DIAPH2: variants seen among roughly 807,000 people sequenced by gnomAD.
DIAPH2 encodes diaphanous related formin 2, also known as protein diaphanous homolog 2.
DIAPH2 carries 35 observed loss-of-function variants against 92.7 expected under a neutral mutation model. That is an observed-to-expected ratio of 0.38 (90% CI 0.29 to 0.50). The LOEUF is 0.50. Ranked by LOEUF, DIAPH2 falls within the 20% of genes least tolerant of loss-of-function variation. The pLI is 0.94. For synonymous variants in DIAPH2, 301 were observed against 280.4 expected (o/e 1.07, Z -0.73); for missense variants, 701 against 819.5 (o/e 0.86, Z 1.77).
At chrX:96,744,198 A>G (rs1232784729) in intron 3 of DIAPH2, among the ~76,000 whole-genome samples, 1 of 112,229 alleles carries the variant, frequency 8.9e-6, no homozygotes, top group Non-Finnish European at 1.9e-5. Flanking sequence ...TATTTTATGA[A>G]TAACTATAGT....
At chrX:97,042,579 T>G (rs1412496536) in intron 17 of DIAPH2, among the ~76,000 whole-genome samples, 1 of 112,172 alleles carries the variant, frequency 8.9e-6, no homozygotes, top group African/African-American at 3.2e-5. Context: ...CATGTGTGTA[T>G]ACATGTGTAT....
intron 17 of DIAPH2, among the ~76,000 whole-genome samples, chrX:97,002,367 A>G (rs1332617769): frequency 9.0e-6 from 1 of 111,100 alleles, no homozygotes; most frequent in Non-Finnish European, 1.9e-5. Flanking sequence ...CGTATGATCA[A>G]ACTATCTGAG....
At chrX:97,442,595 G>A (rs2070270945) in intron 26 of DIAPH2, 2 of 112,334 alleles carry the variant, frequency 1.8e-5, no homozygotes, top group African/African-American at 3.2e-5. Flanking sequence ...TTCCTAAATA[G>A]GGATAAGAAA....
intron 23 of DIAPH2, among the ~76,000 whole-genome samples, chrX:97,314,271 G>A (rs943682681): frequency 9.2e-6 from 1 of 108,202 alleles, no homozygotes; most frequent in Admixed American, 1.0e-4. Context: ...AATTATCTAG[G>A]TGTGGTGGCG....
chrX:96,872,335 A>G (rs2065148974), intron 4 of DIAPH2, among the ~76,000 whole-genome samples: 1 of 111,206 alleles, frequency 9.0e-6, no homozygotes, highest in Non-Finnish European at 1.9e-5. Context: ...TTTTGCTCCC[A>G]CAAATGAGAA....
At chrX:97,483,760 G>C (rs1300368939) in intron 26 of DIAPH2, among the ~76,000 whole-genome samples, 1 of 111,726 alleles carries the variant, frequency 9.0e-6, no homozygotes, top group Non-Finnish European at 1.9e-5. Context: ...ATATGCAGCT[G>C]TTATGCAAAT....
At chrX:97,362,134 C>T (rs766772693) in intron 24 of DIAPH2, among the ~76,000 whole-genome samples, 5 of 109,781 alleles carry the variant, frequency 4.6e-5, no homozygotes, top group Non-Finnish European at 9.5e-5. Context: ...CCAGCTACTT[C>T]AGAGGCTGAG....
chrX:97,042,473 A>G (rs908419322), intron 17 of DIAPH2, among the ~76,000 whole-genome samples: 42 of 112,079 alleles, frequency 3.7e-4, no homozygotes, highest in African/African-American at 1.3e-3. Context: ...CATTGAAAAT[A>G]AAATCTGATC....
chrX:96,966,151 C>A (rs182520369), intron 17 of DIAPH2, among the ~76,000 whole-genome samples: 41 of 110,845 alleles, frequency 3.7e-4, no homozygotes, highest in African/African-American at 1.3e-3. Context: ...ATTTGTTGTT[C>A]TTTGTAAATT....
rs760584026 is a variant in DIAPH2, at chrX:97,002,287, AAT to A, written c.2050+37094_2050+37095del. 3.1e-4 allele frequency among the ~76,000 whole-genome samples: 34 copies of A among 108,703 alleles called. No individual in the cohort carries two copies. The East Asian group carries it at 5.7e-3, about 18-fold the overall frequency. The allele number at this position is 108,703 out of a possible 115,157, so 94.4% of individuals were successfully genotyped here. A position where few individuals can be genotyped will look rare whatever the true frequency, so the allele number is the denominator to read the frequency against. On this transcript the variant is annotated intron_variant, in intron 17 of 26. Transcript: ENST00000324765. ...TGAAAAGAAGTGATAATTTGTAATG[AAT>A]ATATATATATATACATATATATGTT... is the stretch of plus-strand genomic sequence containing the variant.
intron 17 of DIAPH2, among the ~76,000 whole-genome samples, chrX:97,024,638 C>T (rs963604934): frequency 1.8e-5 from 2 of 112,029 alleles, no homozygotes; most frequent in Non-Finnish European, 3.8e-5. Context: ...TGAATAGATT[C>T]ACTTATATTT....
At chrX:97,273,221 A>C (rs775838187) in intron 23 of DIAPH2, among the ~76,000 whole-genome samples, 1 of 112,463 alleles carries the variant, frequency 8.9e-6, no homozygotes, top group East Asian at 2.8e-4. Flanking sequence ...ACAAGAAGCA[A>C]AAACTTTTGT....
At chrX:96,893,244 C>A (rs2065319371) in intron 5 of DIAPH2, among the ~76,000 whole-genome samples, 1 of 111,331 alleles carries the variant, frequency 9.0e-6, no homozygotes, top group African/African-American at 3.3e-5. Context: ...GGAGGTGGAA[C>A]TTTTCCAAAA....
At chrX:97,231,992 A>G (rs1233097858) in intron 22 of DIAPH2, among the ~76,000 whole-genome samples, 1 of 111,986 alleles carries the variant, frequency 8.9e-6, no homozygotes, top group African/African-American at 3.2e-5. Flanking sequence ...TGATGCCTCA[A>G]TATACAACTT....
intron 18 of DIAPH2, among the ~76,000 whole-genome samples, chrX:97,074,417 AAAAG>A (rs748660705): frequency 8.9e-6 from 1 of 112,338 alleles, no homozygotes; most frequent in South Asian, 3.7e-4. Context: ...AAAAAGAAAA[AAAAG>A]AAAAAAGAAA....
rs143431977 is a variant in DIAPH2 at position 97,160,453 on chromosome X, T to A, written c.2719+18659T>A. 5.8e-3 allele frequency among the ~76,000 whole-genome samples: 652 copies of A among 112,227 alleles called. 2 individuals carry two copies. Among genetic ancestry groups the A allele is most frequent in the African/African-American group, 0.02 (616 of 30,861 alleles). ...CTGCTGCAAACCTAGTTGGATTTTA[T>A]TTTATTTTATCTTATTATTTTATTT... On this transcript the variant is annotated intron_variant, in intron 22 of 26. Transcript: ENST00000324765.
rs768974501 is a variant in DIAPH2, at chrX:97,141,787, A to G, written c.2712A>G (p.Ala904=). 29 of 1,200,721 alleles carry G rather than the reference A, an allele frequency of 2.4e-5. No homozygotes were observed. The highest frequency in any genetic ancestry group is 3.3e-5 in the Non-Finnish European group (29 of 891,795). ...AAGAACTGGAACACGTAGAAAGTGC[A>G]AGCAAAGGTAATTGATTTATAACTA... The part of the protein sequence containing the change: ...FPEELEHVES[A]SKVSAQILKS... The change falls in exon 22 of 27, where the codon GCA becomes GCG. Residue 904 remains alanine (A), a synonymous_variant. Coordinates refer to ENST00000324765, the MANE Select transcript of DIAPH2 (RefSeq NM_006729.5).
At position 97,314,281 on chromosome X, in the gene DIAPH2, G is replaced by A. The variant is rs192797804; in HGVS notation, c.2845-33835G>A. Among the ~76,000 whole-genome samples the A allele has an allele frequency of 9.0e-3, 974 of 108,214 alleles. 7 individuals are homozygous for A. The highest frequency in any genetic ancestry group is 0.014 in the Non-Finnish European group (739 of 52,367). The allele number at this position is 108,214 out of a possible 115,157, so 94.0% of individuals were successfully genotyped here. A position where few individuals can be genotyped will look rare whatever the true frequency, so the allele number is the denominator to read the frequency against. On this transcript the variant is annotated intron_variant, in intron 23 of 26. Coordinates refer to ENST00000324765, the MANE Select transcript of DIAPH2 (RefSeq NM_006729.5). ...AAAAAAATTATCTAGGTGTGGTGGC[G>A]CACACCTGTAGTCCCAGCTACTCGG...
intron 26 of DIAPH2, among the ~76,000 whole-genome samples, chrX:97,547,772 A>G (rs747912319): frequency 6.2e-5 from 7 of 112,320 alleles, no homozygotes; most frequent in Non-Finnish European, 9.4e-5. Context: ...TTGCAGAATA[A>G]GTATGATTAT....
Sources: allele counts gnomAD v4.1 joint callset (sites outside exome capture counted in the v4.1 genomes callset), GRCh38; gene constraint gnomAD v4.1.1; transcripts MANE v1.5; gene names NCBI Gene and HGNC (gene_info 2026-07-23, HGNC 2026-07-21).